The following PPP1CB variants were observed in gnomAD, a reference collection of about 807,000 sequenced individuals.
PPP1CB encodes protein phosphatase 1 catalytic subunit beta.
A neutral mutation model predicts 43.7 loss-of-function variants in PPP1CB; 2 were observed. The observed-to-expected ratio is 0.05, with a 90% CI of 0.02 to 0.14. The LOEUF (loss-of-function observed/expected upper bound fraction) is 0.14. PPP1CB is among the 10% of genes least tolerant of loss of function. The probability of loss-of-function intolerance (pLI) is 1.00; values close to 1 mark genes in which losing one functional copy is unlikely to be tolerated. For missense variants in PPP1CB, 84 were observed against 398.0 expected, an observed-to-expected ratio of 0.21 and a Z score of 6.71; for synonymous variants, 136 against 135.6, an observed-to-expected ratio of 1.00 and a Z score of -0.02.
intron 1 of PPP1CB, among the ~76,000 whole-genome samples, chr2:28,768,172 C>G (rs1666824016): frequency 6.6e-6 from 1 of 152,104 alleles, no homozygotes; most frequent in South Asian, 2.1e-4. Context: ...GGGTTTTGAT[C>G]TTTGACAAGG....
chr2:28,798,756 T>G (rs879763444), intron 7 of PPP1CB, among the ~76,000 whole-genome samples: 1 of 152,142 alleles, frequency 6.6e-6, no homozygotes, highest in Admixed American at 6.5e-5. Flanking sequence ...TGTTCTAAAA[T>G]TAGATTTATA....
Position 28,752,190 on chromosome 2 carries a change from T to A in PPP1CB, c.52+14T>A. On this transcript the variant is annotated intron_variant, in intron 1 of 7. Coordinates refer to ENST00000395366, the MANE Select transcript of PPP1CB (RefSeq NM_002709.3). The stretch of plus-strand genomic sequence containing the variant: ...GGCTGCTGGAGGGTGAGTGCGCGCC[T>A]GGCCGCGGGACAGAGGGAGGTCGGG... 2 of 1,539,382 alleles carry A rather than the reference T, an allele frequency of 1.3e-6. No homozygotes were observed. Among genetic ancestry groups the A allele is most frequent in the East Asian group, 2.5e-5 (1 of 39,220 alleles).
At chr2:28,794,062 T>G in intron 7 of PPP1CB, 65 bp downstream of exon 7, 2 of 1,400,540 alleles carry the variant, frequency 1.4e-6, no homozygotes, top group East Asian at 2.5e-5. Context: ...AGAATTCGTT[T>G]TAGATTTGTG....
chr2:28,786,600 C>T (rs1667270098), intron 5 of PPP1CB, among the ~76,000 whole-genome samples: 2 of 151,626 alleles, frequency 1.3e-5, no homozygotes, highest in Admixed American at 6.6e-5. Flanking sequence ...CTGGCTAACA[C>T]GGTGAAACCC....
chr2:28,751,813 C>T, upstream of PPP1CB: 1 of 454,770 alleles, frequency 2.2e-6, no homozygotes, highest in Non-Finnish European at 4.0e-6. Flanking sequence ...GGGCCGTCGG[C>T]GGCGCTGGTG....
intron 1 of PPP1CB, among the ~76,000 whole-genome samples, chr2:28,774,535 C>T (rs1666989826): frequency 6.6e-6 from 1 of 152,028 alleles, no homozygotes; most frequent in Admixed American, 6.6e-5. Context: ...AAGGAGTTCT[C>T]CTGCCTCAGC....
rs1218081970 is a variant in PPP1CB, at chr2:28,802,006, C to T, written c.*2703C>T. 1 of 152,128 alleles carries T rather than the reference C, an allele frequency of 6.6e-6. No homozygotes were observed. The highest frequency in any genetic ancestry group is 1.5e-5 in the Non-Finnish European group (1 of 68,016). The allele number at this position is 152,128 out of a possible 1,614,324, so 9.4% of individuals were successfully genotyped here. A position where few individuals can be genotyped will look rare whatever the true frequency, so the allele number is the denominator to read the frequency against. On this transcript the variant is annotated 3_prime_UTR_variant, in exon 8 of 8. Transcript: ENST00000395366. ...GCCAGCTACCCAGTATCCATGCTGC[C>T]ATATCCCTTCATTGTAAAAAGTACC...
At chr2:28,763,753 G>C (rs1022148052) in intron 1 of PPP1CB, among the ~76,000 whole-genome samples, 2 of 152,174 alleles carry the variant, frequency 1.3e-5, no homozygotes, top group African/African-American at 4.8e-5. Flanking sequence ...CACCCAGGCT[G>C]GAGTGCAGTG....
chr2:28,785,731 C>A (rs996704902), intron 5 of PPP1CB, among the ~76,000 whole-genome samples: 5 of 152,080 alleles, frequency 3.3e-5, no homozygotes, highest in Admixed American at 1.3e-4. Flanking sequence ...ATCACTTCAG[C>A]CTGGGAAGTT....
In PPP1CB at chr2:28,799,694, TG is replaced by T. The variant is rs1373347022; in HGVS notation, c.*392del. On this transcript the variant is annotated 3_prime_UTR_variant, in exon 8 of 8. Transcript: ENST00000395366. ...TTGTTTAATTATTTTGAGCTTGTTTTGTTTTTGTTTGTTTTCACTAGAATAA... is the reference window on the plus strand; with the variant it reads ...TTGTTTAATTATTTTGAGCTTGTTTTTTTTTGTTTGTTTTCACTAGAATAA... 6.3e-6 allele frequency: 1 copy of T among 158,888 alleles called. No homozygotes were observed. Among genetic ancestry groups the T allele is most frequent in the East Asian group, 1.8e-4 (1 of 5,488 alleles). The allele number at this position is 158,888 out of a possible 1,614,324, so 9.8% of individuals were successfully genotyped here.
At chr2:28,772,251 T>C (rs925553190) in intron 1 of PPP1CB, among the ~76,000 whole-genome samples, 17 of 151,964 alleles carry the variant, frequency 1.1e-4, no homozygotes, top group African/African-American at 4.1e-4. Context: ...CAGTGAGCCA[T>C]GATCTTGCCA....
upstream of PPP1CB, chr2:28,751,773 G>A (rs912438613): frequency 4.4e-5 from 16 of 366,920 alleles, no homozygotes; most frequent in African/African-American, 6.6e-5. Context: ...GGCGCGCAAG[G>A]GACGTGCGGA....
chr2:28,752,669 A>T lies in PPP1CB; in HGVS notation c.52+493A>T, dbSNP rs142898998. 3.2e-3 allele frequency among the ~76,000 whole-genome samples: 494 copies of T among 152,272 alleles called. 1 individual carries two copies. The highest frequency in any genetic ancestry group is 0.011 in the African/African-American group (469 of 41,550). ...GTATATATATATAAACCTGTCCTTA[A>T]CAGGACTGCTTCGTCTGCTCTGCAT... On this transcript the variant is annotated intron_variant, in intron 1 of 7. Transcript: ENST00000395366.
rs139098708 is a variant in PPP1CB, at chr2:28,774,575, G to A, written c.53-2276G>A. On this transcript the variant is annotated intron_variant, in intron 1 of 7. Coordinates refer to ENST00000395366, the MANE Select transcript of PPP1CB (RefSeq NM_002709.3). ...CAAGTAGCTGAGATTACAGGCACCC[G>A]CCACCACTCCCGGCTAATTCTTGTA... Among the ~76,000 whole-genome samples, 1,373 of 152,036 alleles carry A rather than the reference G, an allele frequency of 9.0e-3. 22 individuals are homozygous for A. The highest frequency in any genetic ancestry group is 0.031 in the African/African-American group (1,302 of 41,456).
rs776006755 is a variant in PPP1CB, at chr2:28,794,003, A to T, written c.879+6A>T. 1.2e-6 allele frequency: 2 copies of T among 1,602,004 alleles called. No homozygotes were observed. Among genetic ancestry groups the T allele is most frequent in the Middle Eastern group, 1.7e-4 (1 of 6,016 alleles). ...CTTTGATGTGTTCATTTCAGGTATG[A>T]TGTAAACATAAATATATAAGAACTA... On this transcript the variant is annotated splice_donor_region_variant and intron_variant, in intron 7 of 7. Transcript: ENST00000395366.
intron 1 of PPP1CB, among the ~76,000 whole-genome samples, chr2:28,767,111 A>C (rs6710082): frequency 0.57 from 85,922 of 151,410 alleles, 24,852 homozygotes; most frequent in Middle Eastern, 0.64. Flanking sequence ...TGTCTCAAAA[A>C]ATACATAGTT....
intron 1 of PPP1CB, among the ~76,000 whole-genome samples, chr2:28,768,600 A>G (rs1288463351): frequency 6.6e-6 from 1 of 152,234 alleles, no homozygotes; most frequent in African/African-American, 2.4e-5. Context: ...CATCATGACC[A>G]CTGCCTAAGA....
intron 6 of PPP1CB, among the ~76,000 whole-genome samples, chr2:28,789,508 CA>C (rs562802316): frequency 2.0e-5 from 3 of 148,598 alleles, no homozygotes; most frequent in Non-Finnish European, 4.5e-5. Context: ...GACCCAGTCT[CA>C]AAAAAAAGAA....
At chr2:28,785,295 C>A (rs1016805291) in intron 5 of PPP1CB, among the ~76,000 whole-genome samples, 3 of 151,266 alleles carry the variant, frequency 2.0e-5, no homozygotes, top group Non-Finnish European at 4.4e-5. Flanking sequence ...AGGATGGTCT[C>A]GATCTCTTGA....
Sources: allele counts gnomAD v4.1 joint callset (sites outside exome capture counted in the v4.1 genomes callset), GRCh38; gene constraint gnomAD v4.1.1; transcripts MANE v1.5; gene names NCBI Gene and HGNC (gene_info 2026-07-23, HGNC 2026-07-21).